PARD3B: variants seen among roughly 807,000 people sequenced by gnomAD.
PARD3B encodes partitioning defective 3 homolog B.
In PARD3B, 103 loss-of-function variants were observed where a neutral mutation model predicts 130.2. The observed-to-expected ratio is 0.79, with a 90% CI of 0.67 to 0.93. The LOEUF (loss-of-function observed/expected upper bound fraction) is 0.93. Ranked by LOEUF, PARD3B falls within the 40% of genes least tolerant of loss-of-function variation. The probability of loss-of-function intolerance (pLI) is 0.00; values close to 1 mark genes in which losing one functional copy is unlikely to be tolerated. For missense variants in PARD3B, 1,609 were observed against 1,499.2 expected (o/e 1.07, Z -1.21); for synonymous variants, 583 against 553.2 (o/e 1.05, Z -0.76).
chr2:204,767,150 TC>T (rs1444077801), intron 2 of PARD3B, among the ~76,000 whole-genome samples: 1 of 62,802 alleles, frequency 1.6e-5, no homozygotes, highest in African/African-American at 5.7e-5. Flanking sequence ...CCCTCCCCCC[TC>T]CCCCGACCCC....
intron 19 of PARD3B, among the ~76,000 whole-genome samples, chr2:205,402,798 A>G (rs1489071213): frequency 2.0e-5 from 3 of 152,234 alleles, no homozygotes; most frequent in African/African-American, 7.2e-5. Flanking sequence ...GCCACTTCCC[A>G]CACATGAACA....
intron 2 of PARD3B, among the ~76,000 whole-genome samples, chr2:204,853,983 G>A (rs2044816554): frequency 6.6e-6 from 1 of 152,146 alleles, no homozygotes; most frequent in Non-Finnish European, 1.5e-5. Flanking sequence ...GTTATGCTGA[G>A]ACATAAAAGA....
At chr2:205,338,152 CAAAA>C (rs1159561152) in intron 18 of PARD3B, among the ~76,000 whole-genome samples, 18 of 20,450 alleles carry the variant, frequency 8.8e-4, no homozygotes, top group African/African-American at 1.8e-3. Context: ...GACTCCATCT[CAAAA>C]AAAAAAAAAA....
rs181944570 is a variant in PARD3B at position 204,648,140 on chromosome 2, A to T, written c.121-38041A>T. Among the ~76,000 whole-genome samples the T allele has an allele frequency of 1.3e-3, 193 of 151,816 alleles. 1 individual carries two copies. Among genetic ancestry groups the T allele is most frequent in the African/African-American group, 4.0e-3 (167 of 41,532 alleles). On this transcript the variant is annotated intron_variant, in intron 1 of 22. Coordinates refer to ENST00000406610, the MANE Select transcript of PARD3B (RefSeq NM_001302769.2). ...TTTAGAAAGTACTGCTGCTTCTCAA[A>T]TTTTGAATGCAGTTTTGGAATTACA... is the stretch of plus-strand genomic sequence containing the variant.
chr2:204,771,401 A>G (rs1172370240), intron 2 of PARD3B, among the ~76,000 whole-genome samples: 1 of 152,066 alleles, frequency 6.6e-6, no homozygotes, highest in African/African-American at 2.4e-5. Flanking sequence ...CTTTGAGAAT[A>G]AGAGAATTGT....
chr2:205,237,967 T>G (rs745555873), intron 15 of PARD3B, among the ~76,000 whole-genome samples: 34 of 152,358 alleles, frequency 2.2e-4, no homozygotes, highest in Middle Eastern at 3.4e-3. Context: ...TTTACAGTGT[T>G]TAAATACATT....
chr2:204,854,860 A>G (rs1038248266), intron 2 of PARD3B, among the ~76,000 whole-genome samples: 4 of 152,192 alleles, frequency 2.6e-5, no homozygotes, highest in African/African-American at 9.6e-5. Context: ...GACACACACA[A>G]GGAGTTTAGG....
At chr2:204,789,696 ATTTG>A (rs971328722) in intron 2 of PARD3B, among the ~76,000 whole-genome samples, 3 of 152,118 alleles carry the variant, frequency 2.0e-5, no homozygotes, top group African/African-American at 4.8e-5. Flanking sequence ...AATCTAGTCT[ATTTG>A]TTCTCGGAAA....
In PARD3B at chr2:204,610,324, T is replaced by G. The variant is rs9288355; in HGVS notation, c.120+64205T>G. Among the ~76,000 whole-genome samples the G allele has an allele frequency of 6.3e-3, 963 of 152,326 alleles. 10 individuals are homozygous for G. The highest frequency in any genetic ancestry group is 0.022 in the African/African-American group (921 of 41,554). ...TAATATGGCAAATATTTACAATGAT[T>G]TGTTAAGTAGTCTATCGGCATTATT... On this transcript the variant is annotated intron_variant, in intron 1 of 22. Transcript: ENST00000406610. The surrounding 1 kb of genome is among the most constrained non-coding windows in gnomAD (Gnocchi z 4.1).
intron 1 of PARD3B, among the ~76,000 whole-genome samples, chr2:204,671,340 G>A (rs773737409): frequency 3.9e-5 from 6 of 152,066 alleles, no homozygotes; most frequent in African/African-American, 1.2e-4. Context: ...CTTGCCTCTC[G>A]ATGAGTGAGA....
chr2:204,682,189 G>A (rs1445719018), intron 1 of PARD3B, among the ~76,000 whole-genome samples: 1 of 152,102 alleles, frequency 6.6e-6, no homozygotes, highest in Admixed American at 6.5e-5. Flanking sequence ...GTATGCTTAT[G>A]TAGGGATAGA....
At chr2:204,640,787 TA>T (rs2035049071) in intron 1 of PARD3B, among the ~76,000 whole-genome samples, 1 of 151,924 alleles carries the variant, frequency 6.6e-6, no homozygotes, top group Non-Finnish European at 1.5e-5. Context: ...AGTAAATATT[TA>T]TTAAGTATCC....
intron 2 of PARD3B, among the ~76,000 whole-genome samples, chr2:204,937,637 T>G (rs1330958457): frequency 6.6e-6 from 1 of 152,196 alleles, no homozygotes. Flanking sequence ...TATTACTGAT[T>G]AGTATGTGTC....
At chr2:205,061,819 A>G (rs749500088) in intron 4 of PARD3B, among the ~76,000 whole-genome samples, 17 of 152,060 alleles carry the variant, frequency 1.1e-4, no homozygotes, top group Admixed American at 2.0e-4. Context: ...AATTCCTCCA[A>G]AGGCAAGTTC....
intron 18 of PARD3B, among the ~76,000 whole-genome samples, chr2:205,376,643 G>T (rs1019647700): frequency 1.3e-5 from 2 of 152,306 alleles, no homozygotes; most frequent in African/African-American, 2.4e-5. Flanking sequence ...AGAGTGGGGT[G>T]CTGTAGGACA....
chr2:204,756,263 T>G (rs979580777), intron 2 of PARD3B, among the ~76,000 whole-genome samples: 23 of 152,126 alleles, frequency 1.5e-4, no homozygotes, highest in African/African-American at 5.3e-4. Flanking sequence ...TTATATTAAG[T>G]GGCATGATCA....
At chr2:204,937,016 A>G (rs1323970422) in intron 2 of PARD3B, among the ~76,000 whole-genome samples, 1 of 152,256 alleles carries the variant, frequency 6.6e-6, no homozygotes, top group Admixed American at 6.5e-5. Context: ...TATTATCCCC[A>G]TTTGATAGAC....
At chr2:204,741,488 T>C (rs928076740) in intron 2 of PARD3B, among the ~76,000 whole-genome samples, 29 of 152,172 alleles carry the variant, frequency 1.9e-4, no homozygotes, top group Admixed American at 3.3e-4. Context: ...CATCATGATA[T>C]GGTCTTAGTT....
chr2:205,020,888 C>A (rs182133761), intron 3 of PARD3B, among the ~76,000 whole-genome samples: 3 of 152,178 alleles, frequency 2.0e-5, no homozygotes, highest in Admixed American at 6.5e-5. Context: ...AAGGTTAATA[C>A]GAGCAGGCTA....
Sources: gnomAD v4.1 joint callset for allele counts (sites outside exome capture counted in the v4.1 genomes callset) on GRCh38, gnomAD v4.1.1 for gene constraint, Gnocchi (gnomAD v3.1) non-coding constraint, MANE v1.5 for transcripts, NCBI Gene and HGNC (gene_info 2026-07-23, HGNC 2026-07-21) for gene names.